Variants in ERBIN observed in about 807,000 individuals in gnomAD.
ERBIN encodes the protein densin-180-like protein.
Under a neutral mutation model 158.4 loss-of-function variants are expected in ERBIN, and 60 were observed. The ratio of observed to expected loss-of-function variants is 0.38; its 90% confidence interval spans 0.31 to 0.47. The LOEUF is 0.47. Ranked by LOEUF, ERBIN falls within the 20% of genes least tolerant of loss-of-function variation. ERBIN has a pLI of 0.99. For synonymous variants in ERBIN, 594 were observed against 557.2 expected, an observed-to-expected ratio of 1.07 and a Z score of -0.93; for missense variants, 1,610 against 1,648.0, an observed-to-expected ratio of 0.98 and a Z score of 0.40.
intron 4 of ERBIN, among the ~76,000 whole-genome samples, chr5:66,006,776 A>G (rs1417155857): frequency 6.6e-6 from 1 of 152,114 alleles, no homozygotes; most frequent in Non-Finnish European, 1.5e-5. Flanking sequence ...GCAGCCAAAA[A>G]ACACATGAAA....
chr5:65,987,367 TACACAC>T (rs56222591), intron 1 of ERBIN, among the ~76,000 whole-genome samples: 13 of 135,798 alleles, frequency 9.6e-5, no homozygotes, highest in Middle Eastern at 3.8e-3. Context: ...AGAGACTGTC[TACACAC>T]ACACACACAC....
chr5:66,012,642 G>A (rs1754323880), intron 5 of ERBIN, among the ~76,000 whole-genome samples: 1 of 152,156 alleles, frequency 6.6e-6, no homozygotes, highest in Non-Finnish European at 1.5e-5. Context: ...AAGTTTTCCT[G>A]GCACCAAGGC....
chr5:65,943,008 C>T (rs1169500380), intron 1 of ERBIN, among the ~76,000 whole-genome samples: 1 of 152,050 alleles, frequency 6.6e-6, no homozygotes, highest in Non-Finnish European at 1.5e-5. Flanking sequence ...CCTCCTTCTC[C>T]ATTTCCCCTA....
In ERBIN at chr5:66,014,693, G is replaced by A. The variant is rs758457688; in HGVS notation, c.501G>A (p.Glu167=). The change falls in exon 7 of 26, where the codon GAG becomes GAA. Residue 167 remains glutamate (E), a synonymous_variant. Coordinates refer to ENST00000284037, the MANE Select transcript of ERBIN (RefSeq NM_001253697.2). ...GATTAACTAAACTCCAAATATTAGA[G>A]CTTAGAGAAAACCAGTTAAAAATGT... ...FGRLTKLQIL[E]LRENQLKMLP... is the part of the protein sequence containing the mutation. 1 of 1,446,318 alleles carries A rather than the reference G, an allele frequency of 6.9e-7. No individual in the cohort carries two copies. The highest frequency in any genetic ancestry group is 9.4e-7 in the Non-Finnish European group (1 of 1,067,516). The allele number at this position is 1,446,318 out of a possible 1,614,324, so 89.6% of individuals were successfully genotyped here.
chr5:65,945,737 A>G (rs1462761792), intron 1 of ERBIN, among the ~76,000 whole-genome samples: 1 of 152,212 alleles, frequency 6.6e-6, no homozygotes, highest in African/African-American at 2.4e-5. Flanking sequence ...AGATCTCTCT[A>G]CTACCAGTTT....
At chr5:66,066,275 G>A (rs77488431) in intron 21 of ERBIN, among the ~76,000 whole-genome samples, 2,871 of 152,056 alleles carry the variant, frequency 0.019, 39 homozygotes, top group African/African-American at 0.027. Flanking sequence ...GATTCAAAGT[G>A]GTAGAAGATG....
chr5:65,962,868 T>A (rs1748073313), intron 1 of ERBIN, among the ~76,000 whole-genome samples: 4 of 152,196 alleles, frequency 2.6e-5, no homozygotes, highest in Admixed American at 2.6e-4. Flanking sequence ...ATTTAAAACT[T>A]TGAAAATTAG....
chr5:66,069,370 A>G (rs1357063817), intron 21 of ERBIN, among the ~76,000 whole-genome samples: 3 of 152,230 alleles, frequency 2.0e-5, no homozygotes, highest in African/African-American at 7.2e-5. Context: ...TATGTAATCC[A>G]TAGACCTGTT....
At chr5:65,934,754 T>C (rs1743878283) in intron 1 of ERBIN, among the ~76,000 whole-genome samples, 1 of 152,252 alleles carries the variant, frequency 6.6e-6, no homozygotes, top group African/African-American at 2.4e-5. Flanking sequence ...TTTGAAACTA[T>C]GTAAATATTT....
intron 21 of ERBIN, chr5:66,069,149 T>TC (rs1164775847): frequency 1.3e-6 from 1 of 790,998 alleles, no homozygotes; most frequent in African/African-American, 1.7e-5. Flanking sequence ...TCTGAGTTCT[T>TC]CCATGGCTTA....
chr5:66,017,926 A>G (rs571951822), intron 7 of ERBIN, among the ~76,000 whole-genome samples: 21 of 152,174 alleles, frequency 1.4e-4, no homozygotes, highest in East Asian at 9.7e-4. Flanking sequence ...CCCAGCATCA[A>G]TTATTGAAGA....
At chr5:65,981,524 TAAAA>T (rs1332572860) in intron 1 of ERBIN, among the ~76,000 whole-genome samples, 1 of 151,802 alleles carries the variant, frequency 6.6e-6, no homozygotes, top group African/African-American at 2.4e-5. Flanking sequence ...CTGAGGGGAA[TAAAA>T]AAATCCGCAG....
intron 1 of ERBIN, among the ~76,000 whole-genome samples, chr5:65,937,751 A>C (rs1223299856): frequency 6.6e-6 from 1 of 152,196 alleles, no homozygotes; most frequent in Non-Finnish European, 1.5e-5. Context: ...TACTAAAAAT[A>C]CAAAAAAATT....
At chr5:65,958,898 C>CTAGA (rs1259147784) in intron 1 of ERBIN, among the ~76,000 whole-genome samples, 1 of 152,060 alleles carries the variant, frequency 6.6e-6, no homozygotes, top group Non-Finnish European at 1.5e-5. Context: ...TTAAAGTAGG[C>CTAGA]TAGAGTAAGC....
At chr5:66,013,663 G>A (rs771736885) in intron 6 of ERBIN, 25 bp downstream of exon 6, 30 of 1,470,740 alleles carry the variant, frequency 2.0e-5, no homozygotes, top group South Asian at 1.5e-4. Context: ...CTTCTAAAAC[G>A]TTTTATTATT....
chr5:65,963,542 GA>G (rs1440424100), intron 1 of ERBIN, among the ~76,000 whole-genome samples: 1 of 152,028 alleles, frequency 6.6e-6, no homozygotes, highest in Non-Finnish European at 1.5e-5. Flanking sequence ...AGGTTGCAGT[GA>G]GCTGAGATCG....
rs1396121691 is a variant in ERBIN, at chr5:65,940,688, G to A, written c.-58+13882G>A. Among the ~76,000 whole-genome samples the A allele has an allele frequency of 1.4e-5, 2 of 146,246 alleles. 1 individual carries two copies. Among genetic ancestry groups the A allele is most frequent in the East Asian group, 4.1e-4 (2 of 4,884 alleles). On this transcript the variant is annotated intron_variant, in intron 1 of 25. Transcript: ENST00000284037. ...CCGGCCAGCCGCCCGGTCCGGGAGG[G>A]AGGTGGGGGGGTCAGCCCCCCGCCC...
intron 14 of ERBIN, among the ~76,000 whole-genome samples, chr5:66,030,426 C>T (rs184812565): frequency 2.5e-4 from 38 of 152,178 alleles, no homozygotes; most frequent in Admixed American, 1.5e-3. Context: ...TATGTTTAAA[C>T]GATTTGAAAT....
intron 9 of ERBIN, 92 bp downstream of exon 9, chr5:66,023,456 TA>T (rs568842233): frequency 1.3e-5 from 9 of 698,330 alleles, no homozygotes; most frequent in Admixed American, 2.9e-5. Flanking sequence ...TTTTAATTAA[TA>T]AAAAAATTGA....
Sources: allele counts gnomAD v4.1 joint callset (sites outside exome capture counted in the v4.1 genomes callset), GRCh38; gene constraint gnomAD v4.1.1; transcripts MANE v1.5; gene names NCBI Gene and HGNC (gene_info 2026-07-23, HGNC 2026-07-21).